CCDC12: variants seen among roughly 807,000 people sequenced by gnomAD.
CCDC12 encodes coiled-coil domain-containing protein 12.
A neutral mutation model predicts 25.7 loss-of-function variants in CCDC12; 28 were observed. The ratio of observed to expected loss-of-function variants is 1.09; its 90% confidence interval spans 0.81 to 1.50. The LOEUF is 1.50. Among genes scored for constraint, CCDC12 ranks in the 40% most tolerant of loss-of-function variants. CCDC12 has a pLI of 0.00. For missense variants in CCDC12, 198 were observed against 210.0 expected (o/e 0.94, Z 0.35); for synonymous variants, 75 against 87.7 (o/e 0.86, Z 0.81).
intron 1 of CCDC12, among the ~76,000 whole-genome samples, chr3:46,972,728 G>A (rs2034841062): frequency 6.7e-6 from 1 of 149,794 alleles, no homozygotes; most frequent in Non-Finnish European, 1.5e-5. Context: ...GAACCCAGGA[G>A]TTCAAGACCG....
chr3:46,973,929 T>C (rs780425010), intron 1 of CCDC12, among the ~76,000 whole-genome samples: 2 of 152,178 alleles, frequency 1.3e-5, no homozygotes, highest in African/African-American at 2.4e-5. Context: ...CCCATGTTTA[T>C]AGCAGCGTTA....
chr3:46,965,262 C>T (rs1488736743), intron 1 of CCDC12, among the ~76,000 whole-genome samples: 3 of 152,218 alleles, frequency 2.0e-5, no homozygotes, highest in African/African-American at 7.2e-5. Context: ...AATTCCCTGC[C>T]CCCTATCAGT....
At chr3:46,932,984 G>C (rs1054573811) in intron 2 of CCDC12, among the ~76,000 whole-genome samples, 1 of 152,232 alleles carries the variant, frequency 6.6e-6, no homozygotes, top group African/African-American at 2.4e-5. Context: ...TCTGGCCTAG[G>C]GGTGGACCCC....
At chr3:46,925,164 C>T in intron 3 of CCDC12, 1 of 586,176 alleles carries the variant, frequency 1.7e-6, no homozygotes, top group Non-Finnish European at 3.2e-6. Context: ...GCCAGGAGTC[C>T]TCTGAGAGGA....
At chr3:46,938,386 CCA>C (rs2033541624) in intron 2 of CCDC12, among the ~76,000 whole-genome samples, 1 of 152,072 alleles carries the variant, frequency 6.6e-6, no homozygotes, top group Admixed American at 6.6e-5. Flanking sequence ...GGTTTTTTTC[CCA>C]CAGTTTTCAT....
At chr3:46,928,887 G>T (rs1240094750) in intron 2 of CCDC12, among the ~76,000 whole-genome samples, 1 of 152,126 alleles carries the variant, frequency 6.6e-6, no homozygotes, top group Non-Finnish European at 1.5e-5. Flanking sequence ...AGCTACTTCG[G>T]AGGCTAAGGC....
intron 1 of CCDC12, among the ~76,000 whole-genome samples, chr3:46,945,106 A>G (rs1288887757): frequency 6.6e-6 from 1 of 152,254 alleles, no homozygotes; most frequent in African/African-American, 2.4e-5. Context: ...CCGTAGGCCC[A>G]GGGCACAGGC....
chr3:46,923,731 T>A lies in CCDC12; in HGVS notation c.245-63A>T, dbSNP rs556695831. ...ACGCGCTGCCACTCTGCAGGGACAC[T>A]GCCTACCGTGGCCCCCAGGGAGAGA... On this transcript the variant is annotated intron_variant, in intron 3 of 6. Transcript: ENST00000683445. 27 of 1,329,614 alleles carry A rather than the reference T, an allele frequency of 2.0e-5. No homozygotes were observed. The East Asian group carries it at 7.0e-4, about 35-fold the overall frequency. 82.4% of individuals were successfully genotyped at this position (1,329,614 alleles called of 1,614,324 possible).
upstream of CCDC12, among the ~76,000 whole-genome samples, chr3:46,978,893 G>C (rs1371739439): frequency 6.6e-6 from 1 of 152,178 alleles, no homozygotes; most frequent in African/African-American, 2.4e-5. Context: ...TGAGGCAGGA[G>C]AATCACTTGA....
At chr3:46,961,759 C>G (rs541369742) in intron 1 of CCDC12, among the ~76,000 whole-genome samples, 2 of 152,056 alleles carry the variant, frequency 1.3e-5, no homozygotes, top group Admixed American at 1.3e-4. Context: ...GCTACCACTG[C>G]TACTACTACT....
intron 4 of CCDC12, 35 bp from the exon 5 acceptor site, chr3:46,923,398 G>C: frequency 6.5e-7 from 1 of 1,534,944 alleles, no homozygotes; most frequent in Non-Finnish European, 8.8e-7. Flanking sequence ...AGGGTGGAGG[G>C]GCCACCCCAG....
At chr3:46,981,815 A>C (rs2035364902) in intron 1 of CCDC12, 1 of 152,350 alleles carries the variant, frequency 6.6e-6, no homozygotes, top group Non-Finnish European at 1.5e-5. Context: ...TAACTCCAGC[A>C]TGGTTGCCTC....
intron 1 of CCDC12, among the ~76,000 whole-genome samples, chr3:46,963,976 C>T (rs1299160956): frequency 4.0e-5 from 6 of 151,884 alleles, no homozygotes; most frequent in African/African-American, 1.5e-4. Flanking sequence ...GTGAGGAGCG[C>T]CTCTTCCCGG....
At chr3:46,975,513 A>C (rs1044661564) in intron 1 of CCDC12, among the ~76,000 whole-genome samples, 4 of 148,870 alleles carry the variant, frequency 2.7e-5, no homozygotes, top group Admixed American at 6.8e-5. Context: ...CCTTAGTTAG[A>C]AATAAATCTT....
In CCDC12 at chr3:46,927,193, G is replaced by A. The variant is rs9815302; in HGVS notation, c.165-1658C>T. Among the ~76,000 whole-genome samples, 695 of 152,264 alleles carry A rather than the reference G, an allele frequency of 4.6e-3. 6 individuals are homozygous for A. The highest frequency in any genetic ancestry group is 0.015 in the African/African-American group (626 of 41,552). On this transcript the variant is annotated intron_variant, in intron 2 of 6. Transcript: ENST00000683445. ...AGGAAGCCCACCTGCACTCCCAGAA[G>A]GCCCAGAGATACCCCACCCCGTCCC... is the stretch of plus-strand genomic sequence containing the variant.
chr3:46,978,367 G>C (rs1260077269), upstream of CCDC12, among the ~76,000 whole-genome samples: 1 of 152,168 alleles, frequency 6.6e-6, no homozygotes, highest in Non-Finnish European at 1.5e-5. Context: ...ACAGGACAGG[G>C]TCTCTGTTGT....
intron 1 of CCDC12, among the ~76,000 whole-genome samples, chr3:46,951,604 C>T (rs2034115643): frequency 6.7e-6 from 1 of 149,028 alleles, no homozygotes; most frequent in Non-Finnish European, 1.5e-5. Context: ...CACAGTGAAA[C>T]CCCGTCCCTA....
chr3:46,928,708 G>C (rs2033080567), intron 2 of CCDC12, among the ~76,000 whole-genome samples: 1 of 152,134 alleles, frequency 6.6e-6, no homozygotes, highest in Non-Finnish European at 1.5e-5. Context: ...GACTTTTTCA[G>C]ACAAAGAAAG....
At position 46,938,457 on chromosome 3, in the gene CCDC12, C is replaced by T. The variant is rs57829231; in HGVS notation, c.164+2541G>A. On this transcript the variant is annotated intron_variant, in intron 2 of 6. Transcript: ENST00000683445. ...AGAATAACCTAACACATATACTCAC[C>T]TCCTGCAGAGTCAATAAAAGTAATG... 1.2e-3 allele frequency among the ~76,000 whole-genome samples: 180 copies of T among 151,826 alleles called. 4 individuals carry two copies. In the East Asian group the frequency reaches 0.03, roughly 25 times the overall value.
Sources: allele counts gnomAD v4.1 joint callset (sites outside exome capture counted in the v4.1 genomes callset), GRCh38; gene constraint gnomAD v4.1.1; transcripts MANE v1.5; gene names NCBI Gene and HGNC (gene_info 2026-07-23, HGNC 2026-07-21).